ZBTB33: variants seen among roughly 807,000 people sequenced by gnomAD.
ZBTB33 encodes the protein zinc finger and BTB domain containing 33, also known as transcriptional regulator Kaiso.
A neutral mutation model predicts 25.9 loss-of-function variants in ZBTB33; 11 were observed. That is an observed-to-expected ratio of 0.42 (90% CI 0.27 to 0.70). ZBTB33 has a LOEUF of 0.70. ZBTB33 is among the 30% of genes least tolerant of loss of function. The pLI, the probability that ZBTB33 is intolerant of heterozygous loss-of-function variation, is 0.23. For synonymous variants in ZBTB33, 157 were observed against 184.8 expected, an observed-to-expected ratio of 0.85 and a Z score of 1.22; for missense variants, 343 against 501.1, an observed-to-expected ratio of 0.68 and a Z score of 3.01.
chrX:120,258,172 T>G lies in ZBTB33; in HGVS notation c.*2738T>G, dbSNP rs1331758744. On this transcript the variant is annotated 3_prime_UTR_variant, in exon 3 of 3. Transcript: ENST00000557385. ...AAATGGTAAACACTGATCAAGGTAT[T>G]TTGTATTGTCAAGGCATGCATATTC... 4.1e-5 allele frequency: 5 copies of G among 123,326 alleles called. No homozygotes were observed. The highest frequency in any genetic ancestry group is 9.4e-5 in the Admixed American group (1 of 10,601). The allele number at this position is 123,326 out of a possible 1,213,427, so 10.2% of individuals were successfully genotyped here. A position where few individuals can be genotyped will look rare whatever the true frequency, so the allele number is the denominator to read the frequency against.
At chrX:120,251,264 C>G (rs1362982942) in intron 1 of ZBTB33, among the ~76,000 whole-genome samples, 1 of 110,940 alleles carries the variant, frequency 9.0e-6, no homozygotes, top group Non-Finnish European at 1.9e-5. Flanking sequence ...TGGCTTTTCC[C>G]TCGCCCCTCT....
Position 120,256,150 on chromosome X carries a change from A to G in ZBTB33, c.*716A>G, listed in dbSNP as rs1275603926. On this transcript the variant is annotated 3_prime_UTR_variant, in exon 3 of 3. Coordinates refer to ENST00000557385, the MANE Select transcript of ZBTB33 (RefSeq NM_001184742.2). Reference sequence around the variant, plus strand: ...TGGGGGCAAAAAACTAATGAAAACAATCTCTGTAATGGCAGATAGGAGGAG... The same window carrying G: ...TGGGGGCAAAAAACTAATGAAAACAGTCTCTGTAATGGCAGATAGGAGGAG... 3 of 123,428 alleles carry G rather than the reference A, an allele frequency of 2.4e-5. No individual in the cohort carries two copies. The highest frequency in any genetic ancestry group is 9.7e-5 in the African/African-American group (3 of 30,868). 10.2% of individuals were successfully genotyped at this position (123,428 alleles called of 1,213,427 possible).
chrX:120,256,367 AGACTTTACATATTTTGGGTGG>A lies in ZBTB33; in HGVS notation c.*936_*956del, dbSNP rs1556015457. 8.2e-6 allele frequency: 1 copy of A among 122,597 alleles called. No individual in the cohort carries two copies. Among genetic ancestry groups the A allele is most frequent in the Non-Finnish European group, 1.9e-5 (1 of 52,996 alleles). The allele number at this position is 122,597 out of a possible 1,213,427, so 10.1% of individuals were successfully genotyped here. On this transcript the variant is annotated 3_prime_UTR_variant, in exon 3 of 3. Transcript: ENST00000557385. ...TTGTAAATGATAGATTCCATGGGTG[AGACTTTACATATTTTGGGTGG>A]GAGGCTACTGGCATATATTTTTAAA...
chrX:120,252,563 C>T (rs2057607355), intron 1 of ZBTB33, 106 bp from the exon 2 acceptor site: 1 of 112,032 alleles, frequency 8.9e-6, no homozygotes, highest in African/African-American at 3.2e-5. Flanking sequence ...CATACCAATG[C>T]ATATGATTCT....
In ZBTB33 at chrX:120,255,601, A is replaced by T; in HGVS notation, c.*167A>T. ...ATTTTTAGAAGCAAATTTTCCTGAA[A>T]GTTTTGAGTAGAGGTGAGACCCCCT... is the stretch of plus-strand genomic sequence containing the variant. On this transcript the variant is annotated 3_prime_UTR_variant, in exon 3 of 3. Transcript: ENST00000557385. 2.1e-6 allele frequency: 1 copy of T among 474,787 alleles called. No homozygotes were observed. The highest frequency in any genetic ancestry group is 3.5e-6 in the Non-Finnish European group (1 of 281,974). 39.1% of individuals were successfully genotyped at this position (474,787 alleles called of 1,213,427 possible).
rs1004993482 is a variant in ZBTB33, at chrX:120,255,574, T to C, written c.*140T>C. The C allele has an allele frequency of 5.1e-5, 29 of 573,704 alleles. No individual in the cohort carries two copies. The African/African-American group carries it at 6.1e-4, about 12-fold the overall frequency. The allele number at this position is 573,704 out of a possible 1,213,427, so 47.3% of individuals were successfully genotyped here. A position where few individuals can be genotyped will look rare whatever the true frequency, so the allele number is the denominator to read the frequency against. On this transcript the variant is annotated 3_prime_UTR_variant, in exon 3 of 3. Coordinates refer to ENST00000557385, the MANE Select transcript of ZBTB33 (RefSeq NM_001184742.2). ...GGAAGTGTAGTGGGATTTTTGTTGA[T>C]AATTTTTAGAAGCAAATTTTCCTGA...
In ZBTB33 at chrX:120,257,913, T is replaced by C. The variant is rs1482752554; in HGVS notation, c.*2479T>C. 4 of 123,463 alleles carry C rather than the reference T, an allele frequency of 3.2e-5. No individual in the cohort carries two copies. The highest frequency in any genetic ancestry group is 9.5e-5 in the Admixed American group (1 of 10,557). The allele number at this position is 123,463 out of a possible 1,213,427, so 10.2% of individuals were successfully genotyped here. ...GCTTCAAATTTGCTCCTATGCTAAA[T>C]TACCTGTAAATATTCTGGATAGGAA... On this transcript the variant is annotated 3_prime_UTR_variant, in exon 3 of 3. Coordinates refer to ENST00000557385, the MANE Select transcript of ZBTB33 (RefSeq NM_001184742.2).
At chrX:120,253,355 A>T in intron 2 of ZBTB33, 59 bp from the exon 3 acceptor site, 1 of 997,529 alleles carries the variant, frequency 1.0e-6, no homozygotes, top group Non-Finnish European at 1.4e-6. Flanking sequence ...AATTCTAAAT[A>T]AGTACTTTTG....
chrX:120,254,778 G>A lies in ZBTB33; in HGVS notation c.1363G>A (p.Gly455Arg). Residue 455 changes from glycine (G) to arginine (R), a missense_variant, in exon 3 of 3, where the codon GGG becomes AGG. Physicochemically the swap from Gly to Arg is moderately radical, Grantham distance 125. Transcript: ENST00000557385. ...VIPVKDDPDEGEARLENEIPK... is the reference protein window; with the variant it reads ...VIPVKDDPDEREARLENEIPK... ...CCCTGTCAAAGATGACCCTGATGAAGGGGAGGCCAGACTTGAGAATGAAAT... is the reference window on the plus strand; with the variant it reads ...CCCTGTCAAAGATGACCCTGATGAAAGGGAGGCCAGACTTGAGAATGAAAT... The A allele has an allele frequency of 2.5e-6, 3 of 1,211,778 alleles. No homozygotes were observed. The highest frequency in any genetic ancestry group is 3.4e-6 in the Non-Finnish European group (3 of 895,503).
In ZBTB33 at chrX:120,255,538, C is replaced by A; in HGVS notation, c.*104C>A. ...GCGAACAAGTTAATTTGATCTGCCA[C>A]ATTATCTGAAGGAAGTGTAGTGGGA... On this transcript the variant is annotated 3_prime_UTR_variant, in exon 3 of 3. Coordinates refer to ENST00000557385, the MANE Select transcript of ZBTB33 (RefSeq NM_001184742.2). The A allele has an allele frequency of 1.5e-6, 1 of 686,875 alleles. No homozygotes were observed. The highest frequency in any genetic ancestry group is 2.2e-6 in the Non-Finnish European group (1 of 464,836). 56.6% of individuals were successfully genotyped at this position (686,875 alleles called of 1,213,427 possible).
chrX:120,252,560 A>G (rs146023251), intron 1 of ZBTB33, 109 bp from the exon 2 acceptor site: 1 of 112,082 alleles, frequency 8.9e-6, no homozygotes, highest in Non-Finnish European at 1.9e-5. Context: ...TCTCATACCA[A>G]TGCATATGAT....
chrX:120,258,060 A>G lies in ZBTB33; in HGVS notation c.*2626A>G, dbSNP rs150363963. 708 of 123,478 alleles carry G rather than the reference A, an allele frequency of 5.7e-3. 7 individuals carry two copies. The highest frequency in any genetic ancestry group is 0.022 in the African/African-American group (682 of 30,935). 10.2% of individuals were successfully genotyped at this position (123,478 alleles called of 1,213,427 possible). A position where few individuals can be genotyped will look rare whatever the true frequency, so the allele number is the denominator to read the frequency against. ...TTAAAATATACTTTAAATGATTATT[A>G]TGATTTTGGTGGTAACGATCCCCCA... On this transcript the variant is annotated 3_prime_UTR_variant, in exon 3 of 3. Transcript: ENST00000557385.
chrX:120,254,980 A>T lies in ZBTB33; in HGVS notation c.1565A>T (p.Tyr522Phe). The T allele has an allele frequency of 8.2e-7, 1 of 1,212,159 alleles. No individual in the cohort carries two copies. Among genetic ancestry groups the T allele is most frequent in the Non-Finnish European group, 1.1e-6 (1 of 895,594 alleles). ...AACATTCATTCTTGGGAGAAGAAGT[A>T]TCCGTGCCGTTACTGTGAGAAGGTA... is the stretch of plus-strand genomic sequence containing the variant. Reference protein sequence around the residue: ...HFNIHSWEKKYPCRYCEKVFP... With the variant: ...HFNIHSWEKKFPCRYCEKVFP... The change falls in exon 3 of 3, where the codon TAT becomes TTT. Residue 522 changes from tyrosine to phenylalanine, a missense_variant. Physicochemically the swap from Tyr to Phe is conservative, Grantham distance 22. Around this residue, in one of 2 missense-constraint regions of ZBTB33, gnomAD observed 304 missense variants for 410.0 expected, o/e 0.74. Transcript: ENST00000557385.
Position 120,254,148 on chromosome X carries a change from C to A in ZBTB33, c.733C>A (p.Pro245Thr). The part of the protein sequence containing the change: ...NNSPPLTNIT[P>T]TQKLPTPVNQ... ...CTCGCCCCCTTTAACAAATATCACACCTACTCAGAAACTTCCTACTCCTGT... is the reference window on the plus strand; with the variant it reads ...CTCGCCCCCTTTAACAAATATCACAACTACTCAGAAACTTCCTACTCCTGT... Residue 245 changes from proline to threonine, a missense_variant, in exon 3 of 3, where the codon CCT becomes ACT. By Grantham distance (38) the Pro-to-Thr change is conservative. This residue lies in a region of ZBTB33 where 304 missense variants were observed against 410.0 expected (regional missense o/e 0.74). Coordinates refer to ENST00000557385, the MANE Select transcript of ZBTB33 (RefSeq NM_001184742.2). 4 of 1,211,594 alleles carry A rather than the reference C, an allele frequency of 3.3e-6. No individual in the cohort carries two copies. The highest frequency in any genetic ancestry group is 4.5e-6 in the Non-Finnish European group (4 of 895,447).
At position 120,254,789 on chromosome X, in the gene ZBTB33, A is replaced by G. The variant is rs782605427; in HGVS notation, c.1374A>G (p.Arg458=). ...ATGACCCTGATGAAGGGGAGGCCAG[A>G]CTTGAGAATGAAATACCAAAAACGT... ...VKDDPDEGEA[R]LENEIPKTSG... is the part of the protein sequence containing the mutation. The change falls in exon 3 of 3, where the codon AGA becomes AGG. Residue 458 remains arginine, a synonymous_variant. Transcript: ENST00000557385. The G allele has an allele frequency of 8.3e-7, 1 of 1,212,037 alleles. No homozygotes were observed. The highest frequency in any genetic ancestry group is 3.0e-5 in the East Asian group (1 of 33,872).
chrX:120,253,613 AGTT>A lies in ZBTB33; in HGVS notation c.203_205del (p.Val68del). 1 of 1,212,239 alleles carries A rather than the reference AGTT, an allele frequency of 8.2e-7. No individual in the cohort carries two copies. The highest frequency in any genetic ancestry group is 1.8e-5 in the South Asian group (1 of 57,021). On this transcript the variant is annotated inframe_deletion, in exon 3 of 3. Transcript: ENST00000557385. ...ATCAGCTCTTCTCTGTTGCTGGGCA[AGTT>A]GTTGAACTGAGCTTTATAAGAGCAG...
rs1556014748 is a variant in ZBTB33 at position 120,253,809 on chromosome X, G to T, written c.394G>T (p.Asp132Tyr). 6 of 1,211,534 alleles carry T rather than the reference G, an allele frequency of 5.0e-6. No homozygotes were observed. The highest frequency in any genetic ancestry group is 1.8e-5 in the South Asian group (1 of 56,932). Reference sequence around the variant, plus strand: ...TAAAAGCATCTCAGGTACAGCGCAGGATGGTAATACTGAGCCTTTACCTCC... The same window carrying T: ...TAAAAGCATCTCAGGTACAGCGCAGTATGGTAATACTGAGCCTTTACCTCC... Reference protein sequence around the residue: ...QVKSISGTAQDGNTEPLPPDS... With the variant: ...QVKSISGTAQYGNTEPLPPDS... Residue 132 changes from aspartate to tyrosine, a missense_variant, in exon 3 of 3, where the codon GAT becomes TAT. This residue lies in a region of ZBTB33 where 304 missense variants were observed against 410.0 expected (regional missense o/e 0.74). Coordinates refer to ENST00000557385, the MANE Select transcript of ZBTB33 (RefSeq NM_001184742.2).
chrX:120,252,581 C>T (rs2057607541), intron 1 of ZBTB33, 88 bp from the exon 2 acceptor site: 1 of 111,791 alleles, frequency 8.9e-6, no homozygotes, highest in African/African-American at 3.3e-5. Flanking sequence ...TCTTTACCAA[C>T]AAAAATAAAA....
chrX:120,250,909 T>G lies in ZBTB33; in HGVS notation c.-173T>G, dbSNP rs1274670179. ...GGCAGAATCGCTGGGGAGTGCGGCT[T>G]CTTCTTGTTGGGGGACTCCCAGCCT... On this transcript the variant is annotated 5_prime_UTR_variant, in exon 1 of 3. Coordinates refer to ENST00000557385, the MANE Select transcript of ZBTB33 (RefSeq NM_001184742.2). The G allele has an allele frequency of 8.9e-6, 1 of 112,914 alleles. No homozygotes were observed. The highest frequency in any genetic ancestry group is 9.3e-5 in the Admixed American group (1 of 10,797). The allele number at this position is 112,914 out of a possible 1,213,427, so 9.3% of individuals were successfully genotyped here.
Sources: gnomAD v4.1 joint callset for allele counts (sites outside exome capture counted in the v4.1 genomes callset) on GRCh38, gnomAD v4.1.1 for gene constraint, gnomAD v4.1.1 regional missense constraint, MANE v1.5 for transcripts, NCBI Gene and HGNC (gene_info 2026-07-23, HGNC 2026-07-21) for gene names.